Variants in L3MBTL4 observed in about 807,000 individuals in gnomAD.
The protein encoded by L3MBTL4 is lethal(3)malignant brain tumor-like protein 4.
Under a neutral mutation model 84.5 loss-of-function variants are expected in L3MBTL4, and 70 were observed. That is an observed-to-expected ratio of 0.83 (90% CI 0.68 to 1.01). L3MBTL4 has a LOEUF of 1.01. L3MBTL4 is among the 50% of genes least tolerant of loss of function. The probability of loss-of-function intolerance (pLI) is 0.00; values close to 1 mark genes in which losing one functional copy is unlikely to be tolerated. For synonymous variants in L3MBTL4, 274 were observed against 259.8 expected (o/e 1.05, Z -0.52); for missense variants, 715 against 754.8 (o/e 0.95, Z 0.62).
chr18:6,330,165 C>T (rs1293644200), intron 1 of L3MBTL4, among the ~76,000 whole-genome samples: 2 of 152,224 alleles, frequency 1.3e-5, no homozygotes, highest in African/African-American at 4.8e-5. Context: ...CAGTACATTT[C>T]TGTTAAGTCC....
At chr18:6,377,304 T>C (rs2054407579) in intron 1 of L3MBTL4, among the ~76,000 whole-genome samples, 1 of 152,170 alleles carries the variant, frequency 6.6e-6, no homozygotes, top group South Asian at 2.1e-4. Context: ...TCATACGAGT[T>C]TCCTGAGTTG....
At chr18:6,027,949 T>C (rs2055588870) in intron 16 of L3MBTL4, among the ~76,000 whole-genome samples, 1 of 152,196 alleles carries the variant, frequency 6.6e-6, no homozygotes. Context: ...CTTTGTTAGA[T>C]GGGTAGTTTG....
At chr18:6,314,909 T>C (rs1367302217) in intron 1 of L3MBTL4, among the ~76,000 whole-genome samples, 2 of 152,188 alleles carry the variant, frequency 1.3e-5, no homozygotes, top group African/African-American at 4.8e-5. Context: ...GAGATAAGTA[T>C]AGCAGCCACA....
intron 4 of L3MBTL4, among the ~76,000 whole-genome samples, chr18:6,285,810 T>TATTATTATA (rs1347455879): frequency 2.2e-5 from 1 of 46,426 alleles, no homozygotes; most frequent in South Asian, 6.0e-4. Context: ...TTAAAAGATA[T>TATTATTATA]ATTATTATTA....
chr18:6,178,240 T>C (rs1047652262), intron 12 of L3MBTL4, among the ~76,000 whole-genome samples: 1 of 152,172 alleles, frequency 6.6e-6, no homozygotes, highest in Non-Finnish European at 1.5e-5. Context: ...AATGAAACCA[T>C]GGAAATTAAA....
At chr18:6,033,099 T>A (rs1376498679) in intron 16 of L3MBTL4, among the ~76,000 whole-genome samples, 1 of 152,246 alleles carries the variant, frequency 6.6e-6, no homozygotes, top group Non-Finnish European at 1.5e-5. Context: ...ATTATTACCA[T>A]ATAACTGTCT....
intron 3 of L3MBTL4, 26 bp downstream of exon 3, chr18:6,311,528 G>A: frequency 6.3e-7 from 1 of 1,595,854 alleles, no homozygotes; most frequent in Non-Finnish European, 8.6e-7. Context: ...ACACTGTGAG[G>A]AAGGGTCCAG....
intron 1 of L3MBTL4, among the ~76,000 whole-genome samples, chr18:6,401,717 G>C (rs2055518600): frequency 6.6e-6 from 1 of 152,202 alleles, no homozygotes; most frequent in Non-Finnish European, 1.5e-5. Context: ...CACCCACAAG[G>C]CGGCTCTAAT....
At chr18:6,150,301 C>T (rs1202608167) in intron 13 of L3MBTL4, among the ~76,000 whole-genome samples, 2 of 152,048 alleles carry the variant, frequency 1.3e-5, no homozygotes, top group South Asian at 2.1e-4. Context: ...ACATCTAAAG[C>T]GGGAACTATG....
chr18:6,084,555 T>A (rs2058195121), intron 15 of L3MBTL4, among the ~76,000 whole-genome samples: 1 of 152,216 alleles, frequency 6.6e-6, no homozygotes. Flanking sequence ...GGGCTCTGAC[T>A]CTTCTATTTT....
chr18:6,187,889 G>T (rs1171968857), intron 12 of L3MBTL4, among the ~76,000 whole-genome samples: 2 of 148,320 alleles, frequency 1.3e-5, no homozygotes, highest in African/African-American at 2.5e-5. Context: ...AAAAAGTGGT[G>T]TCTGCTCTCT....
chr18:5,958,196 G>A lies in L3MBTL4; in HGVS notation c.1678-1809C>T, dbSNP rs574220729. 7.9e-5 allele frequency among the ~76,000 whole-genome samples: 12 copies of A among 151,862 alleles called. No individual in the cohort carries two copies. In the East Asian group the frequency reaches 2.3e-3, roughly 29 times the overall value. On this transcript the variant is annotated intron_variant, in intron 18 of 18. Transcript: ENST00000317931. ...AGAAGACGACGAAGAAGAAGAGGAA[G>A]AAAAATCCTGTAGTGTCAATGTCTC...
intron 4 of L3MBTL4, among the ~76,000 whole-genome samples, chr18:6,289,096 A>C (rs1482430591): frequency 6.6e-6 from 1 of 152,090 alleles, no homozygotes; most frequent in African/African-American, 2.4e-5. Context: ...TGGTTGTCCC[A>C]AAGTTTTTTT....
intron 17 of L3MBTL4, among the ~76,000 whole-genome samples, chr18:5,965,471 T>C (rs923501491): frequency 6.6e-6 from 1 of 152,108 alleles, no homozygotes; most frequent in African/African-American, 2.4e-5. Flanking sequence ...GAGGCTCCTC[T>C]CCGAAACACC....
chr18:6,213,593 G>A (rs2046204143), intron 11 of L3MBTL4, among the ~76,000 whole-genome samples: 1 of 152,042 alleles, frequency 6.6e-6, no homozygotes, highest in Admixed American at 6.6e-5. Flanking sequence ...TGTGTTATAA[G>A]TAGAGACAGG....
intron 14 of L3MBTL4, among the ~76,000 whole-genome samples, chr18:6,108,253 C>T (rs536150406): frequency 1.3e-5 from 2 of 152,174 alleles, no homozygotes; most frequent in East Asian, 3.9e-4. Context: ...AACATCACTG[C>T]AGCCAGGGGA....
intron 14 of L3MBTL4, among the ~76,000 whole-genome samples, chr18:6,124,980 T>C (rs1206871749): frequency 6.6e-6 from 1 of 152,184 alleles, no homozygotes; most frequent in Non-Finnish European, 1.5e-5. Flanking sequence ...GATAAATATT[T>C]AGCATTGCCT....
Position 6,213,198 on chromosome 18 carries a change from C to A in L3MBTL4, c.932G>T (p.Arg311Met). 2.5e-6 allele frequency: 4 copies of A among 1,611,150 alleles called. No homozygotes were observed. Among genetic ancestry groups the A allele is most frequent in the Non-Finnish European group, 3.4e-6 (4 of 1,179,006 alleles). ...TACAATCGTAGCAACACGAATTAAC[C>A]TGGGGTTCCGTTTATCCACAACTTC... Reference protein sequence around the residue: ...KLEVVDKRNPRLIRVATIVDV... With the variant: ...KLEVVDKRNPMLIRVATIVDV... The change falls in exon 12 of 19, where the codon AGG (arginine) becomes ATG (methionine). Residue 311 changes from arginine (R) to methionine (M), a missense_variant. Physicochemically the swap from Arg to Met is moderately conservative, Grantham distance 91. Transcript: ENST00000317931.
chr18:6,049,482 C>G (rs1234802373), intron 16 of L3MBTL4, among the ~76,000 whole-genome samples: 2 of 152,138 alleles, frequency 1.3e-5, no homozygotes, highest in Non-Finnish European at 2.9e-5. Context: ...TACCCATCAA[C>G]AGTGGATTGG....
Sources: allele counts gnomAD v4.1 joint callset (sites outside exome capture counted in the v4.1 genomes callset), GRCh38; gene constraint gnomAD v4.1.1; transcripts MANE v1.5; gene names NCBI Gene and HGNC (gene_info 2026-07-23, HGNC 2026-07-21).